DLG2: variants seen among roughly 807,000 people sequenced by gnomAD.
The protein encoded by DLG2 is discs large MAGUK scaffold protein 2.
In DLG2, 45 loss-of-function variants were observed where a neutral mutation model predicts 132.5. The observed-to-expected ratio is 0.34, with a 90% CI of 0.27 to 0.44. The LOEUF (loss-of-function observed/expected upper bound fraction) is 0.44. Among genes scored for constraint, DLG2 ranks in the 20% least tolerant of loss-of-function variants. The pLI, the probability that DLG2 is intolerant of heterozygous loss-of-function variation, is 1.00. For missense variants in DLG2, 1,045 were observed against 1,196.9 expected (o/e 0.87, Z 1.87); for synonymous variants, 424 against 419.6 (o/e 1.01, Z -0.13).
At chr11:84,644,235 T>A (rs1300561193) in intron 6 of DLG2, among the ~76,000 whole-genome samples, 1 of 152,148 alleles carries the variant, frequency 6.6e-6, no homozygotes, top group East Asian at 1.9e-4. Context: ...GGAATGATCC[T>A]CAACCCAATT....
At chr11:85,569,336 C>G (rs2077716736) in intron 3 of DLG2, among the ~76,000 whole-genome samples, 1 of 152,072 alleles carries the variant, frequency 6.6e-6, no homozygotes, top group South Asian at 2.1e-4. Flanking sequence ...CCAGCCTCTT[C>G]TTTCTTAATG....
At chr11:84,736,395 C>T (rs545926007) in intron 6 of DLG2, among the ~76,000 whole-genome samples, 1 of 151,522 alleles carries the variant, frequency 6.6e-6, no homozygotes, top group Non-Finnish European at 1.5e-5. Context: ...TTAGAATTAA[C>T]CTGTTAATTC....
At chr11:84,101,728 T>A (rs750423692) in intron 9 of DLG2, among the ~76,000 whole-genome samples, 3 of 152,060 alleles carry the variant, frequency 2.0e-5, no homozygotes, top group Non-Finnish European at 4.4e-5. Context: ...AAGCTCTAAG[T>A]ACATCAACTA....
At chr11:85,478,752 T>C (rs2093213097) in intron 3 of DLG2, among the ~76,000 whole-genome samples, 1 of 152,230 alleles carries the variant, frequency 6.6e-6, no homozygotes, top group Non-Finnish European at 1.5e-5. Flanking sequence ...GGGAAGGAAT[T>C]ATCTCCTGTA....
At chr11:84,108,635 G>T (rs2093135100) in intron 9 of DLG2, among the ~76,000 whole-genome samples, 1 of 152,100 alleles carries the variant, frequency 6.6e-6, no homozygotes, top group Non-Finnish European at 1.5e-5. Flanking sequence ...GAAGAGCTGA[G>T]GCAAGAGAAG....
chr11:84,520,202 C>A (rs1475724097), intron 7 of DLG2, among the ~76,000 whole-genome samples: 1 of 152,110 alleles, frequency 6.6e-6, no homozygotes, highest in Non-Finnish European at 1.5e-5. Context: ...ATTGTTTACT[C>A]TAAAGGTCTT....
At chr11:84,991,258 C>T (rs2057067569) in intron 6 of DLG2, among the ~76,000 whole-genome samples, 2 of 151,826 alleles carry the variant, frequency 1.3e-5, no homozygotes, top group South Asian at 4.2e-4. Context: ...GCCTGTAATC[C>T]CAGCAATTTG....
chr11:84,995,848 T>C (rs1040707233), intron 6 of DLG2, among the ~76,000 whole-genome samples: 1 of 152,166 alleles, frequency 6.6e-6, no homozygotes, highest in Non-Finnish European at 1.5e-5. Flanking sequence ...TACAGACTAT[T>C]CTCCCTGCCC....
At chr11:84,724,572 C>CA (rs981569957) in intron 6 of DLG2, among the ~76,000 whole-genome samples, 3 of 151,924 alleles carry the variant, frequency 2.0e-5, no homozygotes, top group South Asian at 2.1e-4. Flanking sequence ...CTTTTTTCTG[C>CA]AAAAAACCTT....
At chr11:84,116,271 C>T (rs2093628928) in intron 9 of DLG2, among the ~76,000 whole-genome samples, 1 of 152,168 alleles carries the variant, frequency 6.6e-6, no homozygotes, top group African/African-American at 2.4e-5. Context: ...AATGTAAAAG[C>T]ATTCGATACT....
chr11:84,469,836 T>C (rs1256933503), intron 7 of DLG2, among the ~76,000 whole-genome samples: 2 of 151,618 alleles, frequency 1.3e-5, no homozygotes, highest in Non-Finnish European at 3.0e-5. Flanking sequence ...GAGTCATGGG[T>C]TGCTGAACAA....
intron 19 of DLG2, among the ~76,000 whole-genome samples, chr11:83,619,057 G>A (rs553696511): frequency 6.6e-6 from 1 of 152,206 alleles, no homozygotes; most frequent in Middle Eastern, 3.4e-3. Context: ...ACTTAAACCC[G>A]TATCCATTCC....
intron 18 of DLG2, among the ~76,000 whole-genome samples, chr11:83,663,550 A>G (rs1024081642): frequency 2.6e-5 from 4 of 152,238 alleles, no homozygotes; most frequent in African/African-American, 9.6e-5. Flanking sequence ...TTGCAGATAC[A>G]ATGTGTGTGT....
intron 4 of DLG2, among the ~76,000 whole-genome samples, chr11:85,175,577 A>C (rs998451102): frequency 1.3e-5 from 2 of 152,038 alleles, no homozygotes; most frequent in African/African-American, 4.8e-5. Context: ...CTCTCTCACC[A>C]CTCCTATTCA....
At chr11:83,962,762 A>C in intron 14 of DLG2, 123 bp downstream of exon 14, 1 of 1,275,444 alleles carries the variant, frequency 7.8e-7, no homozygotes, top group Non-Finnish European at 1.1e-6. Context: ...GCAAAACTAC[A>C]ATAAGGTTGA....
intron 18 of DLG2, among the ~76,000 whole-genome samples, chr11:83,685,976 T>C (rs922785787): frequency 4.6e-5 from 7 of 152,082 alleles, no homozygotes; most frequent in African/African-American, 1.7e-4. Context: ...CATCAAATCC[T>C]GTCAACTCTG....
chr11:85,537,804 G>A lies in DLG2; in HGVS notation c.40+60853C>T, dbSNP rs553887161. 8.3e-4 allele frequency among the ~76,000 whole-genome samples: 126 copies of A among 152,054 alleles called. 1 individual carries two copies. In the Middle Eastern group the frequency reaches 0.02, roughly 25 times the overall value. On this transcript the variant is annotated intron_variant, in intron 3 of 27. Coordinates refer to ENST00000376104, the MANE Select transcript of DLG2 (RefSeq NM_001142699.3). ...CTGAACATCTGAAGGAACAAACTGC[G>A]GACACATCATCTTTAAGAACTGTAA...
intron 18 of DLG2, among the ~76,000 whole-genome samples, chr11:83,642,616 T>A (rs1240321005): frequency 6.6e-6 from 1 of 152,210 alleles, no homozygotes; most frequent in African/African-American, 2.4e-5. Flanking sequence ...GCATGCTTTG[T>A]TTTATAGATT....
chr11:84,366,587 C>T (rs1269258438), intron 7 of DLG2, among the ~76,000 whole-genome samples: 3 of 152,160 alleles, frequency 2.0e-5, no homozygotes, highest in South Asian at 2.1e-4. Context: ...CAGAGACACA[C>T]ATAGGCTCAA....
Sources: gnomAD v4.1 joint callset for allele counts (sites outside exome capture counted in the v4.1 genomes callset) on GRCh38, gnomAD v4.1.1 for gene constraint, MANE v1.5 for transcripts, NCBI Gene and HGNC (gene_info 2026-07-23, HGNC 2026-07-21) for gene names.